LRRC28: variants seen among roughly 807,000 people sequenced by gnomAD.
LRRC28 encodes leucine-rich repeat-containing protein 28.
LRRC28 carries 39 observed loss-of-function variants against 45.7 expected under a neutral mutation model. That is an observed-to-expected ratio of 0.85 (90% CI 0.66 to 1.12). The LOEUF (loss-of-function observed/expected upper bound fraction) is 1.12, where lower values mean the gene tolerates loss of function less well. Among genes scored for constraint, LRRC28 ranks in the 50% most tolerant of loss-of-function variants. LRRC28 has a pLI of 0.00. For synonymous variants in LRRC28, 206 were observed against 178.8 expected, an observed-to-expected ratio of 1.15 and a Z score of -1.22; for missense variants, 435 against 438.5, an observed-to-expected ratio of 0.99 and a Z score of 0.07.
chr15:99,266,143 AAGAG>A, intron 2 of LRRC28, among the ~76,000 whole-genome samples: 1 of 152,308 alleles, frequency 6.6e-6, no homozygotes, highest in African/African-American at 2.4e-5. Context: ...TAGTGAAGGA[AAGAG>A]AGATCTGTCA....
chr15:99,361,593 T>A, intron 8 of LRRC28, 82 bp downstream of exon 8: 2 of 1,351,892 alleles, frequency 1.5e-6, no homozygotes, highest in South Asian at 3.3e-5. Context: ...GGCGTTCATC[T>A]TTAAAAAAAA....
chr15:99,379,289 TA>T (rs1323720713), intron 9 of LRRC28, among the ~76,000 whole-genome samples: 1 of 152,230 alleles, frequency 6.6e-6, no homozygotes, highest in Non-Finnish European at 1.5e-5. Flanking sequence ...TCCAGGAATT[TA>T]TCCATTTCTT....
At chr15:99,296,371 G>A (rs990929649) in intron 5 of LRRC28, among the ~76,000 whole-genome samples, 6 of 152,192 alleles carry the variant, frequency 3.9e-5, no homozygotes, top group South Asian at 4.1e-4. Flanking sequence ...CTCAAAACAC[G>A]CAGTGTGTTA....
intron 2 of LRRC28, among the ~76,000 whole-genome samples, chr15:99,263,120 G>C (rs989720044): frequency 4.1e-5 from 6 of 148,120 alleles, no homozygotes; most frequent in African/African-American, 1.3e-4. Flanking sequence ...GACCAGCCTG[G>C]GCAACATCAC....
intron 3 of LRRC28, among the ~76,000 whole-genome samples, chr15:99,277,238 G>A (rs930963518): frequency 7.9e-5 from 12 of 151,950 alleles, no homozygotes; most frequent in South Asian, 6.2e-4. Flanking sequence ...TATTTGGCAC[G>A]ATTTTCAAGA....
chr15:99,310,704 AGAAAG>A (rs1210597338), intron 5 of LRRC28, among the ~76,000 whole-genome samples: 5 of 152,240 alleles, frequency 3.3e-5, no homozygotes, highest in African/African-American at 9.6e-5. Flanking sequence ...ATGAAAATGA[AGAAAG>A]GAGAGGGAGA....
intron 2 of LRRC28, among the ~76,000 whole-genome samples, chr15:99,263,518 T>C (rs1165685236): frequency 6.6e-6 from 1 of 152,180 alleles, no homozygotes; most frequent in Non-Finnish European, 1.5e-5. Context: ...TAGGTATTCA[T>C]GCAGTGGTAG....
chr15:99,385,599 AT>A (rs1384371220), intron 9 of LRRC28, among the ~76,000 whole-genome samples: 2 of 152,218 alleles, frequency 1.3e-5, no homozygotes, highest in Admixed American at 1.3e-4. Flanking sequence ...CCTTAAAATT[AT>A]GTTGTTTAAG....
At chr15:99,282,899 A>AT (rs113727507) in intron 3 of LRRC28, among the ~76,000 whole-genome samples, 15 of 149,582 alleles carry the variant, frequency 1.0e-4, no homozygotes, top group South Asian at 4.2e-4. Context: ...TTAATTAAAA[A>AT]TTTTTTTTTT....
rs1480516956 is a variant in LRRC28, at chr15:99,387,064, T to G, written c.*962T>G. ...CTTCAGCTACTTCCACTACTGGTTT[T>G]TTTTTGTTGTTGTTGAGACGGAGTC... On this transcript the variant is annotated 3_prime_UTR_variant, in exon 10 of 10. Coordinates refer to ENST00000301981, the MANE Select transcript of LRRC28 (RefSeq NM_144598.5). 1.4e-5 allele frequency: 2 copies of G among 146,746 alleles called. No individual in the cohort carries two copies. Among genetic ancestry groups the G allele is most frequent in the East Asian group, 2.0e-4 (1 of 4,908 alleles). 9.1% of individuals were successfully genotyped at this position (146,746 alleles called of 1,614,324 possible).
At chr15:99,379,157 T>C (rs529171931) in intron 9 of LRRC28, among the ~76,000 whole-genome samples, 174 of 152,282 alleles carry the variant, frequency 1.1e-3, no homozygotes, top group African/African-American at 3.3e-3. Context: ...GCTGTGAATT[T>C]GTCTGGTCCT....
At chr15:99,277,653 A>AT (rs2081654511) in intron 3 of LRRC28, among the ~76,000 whole-genome samples, 1 of 152,082 alleles carries the variant, frequency 6.6e-6, no homozygotes, top group Non-Finnish European at 1.5e-5. Flanking sequence ...TGATTTAAAC[A>AT]TTTTTTGTGG....
chr15:99,368,147 C>T (rs184592746), intron 9 of LRRC28, among the ~76,000 whole-genome samples: 2 of 152,312 alleles, frequency 1.3e-5, no homozygotes, highest in African/African-American at 4.8e-5. Context: ...TTCACCCCAT[C>T]CCATGCCCAG....
intron 5 of LRRC28, among the ~76,000 whole-genome samples, chr15:99,316,729 A>C (rs1030344263): frequency 7.9e-5 from 12 of 152,090 alleles, no homozygotes; most frequent in African/African-American, 9.7e-5. Flanking sequence ...AAAAAAAAAA[A>C]AAAACTCTTT....
intron 6 of LRRC28, among the ~76,000 whole-genome samples, chr15:99,337,500 A>G (rs1567675136): frequency 6.6e-6 from 1 of 152,220 alleles, no homozygotes; most frequent in Non-Finnish European, 1.5e-5. Context: ...CGGTGTGGCT[A>G]AGGAGGTGGG....
At chr15:99,291,586 G>T (rs1261177191) in intron 5 of LRRC28, among the ~76,000 whole-genome samples, 3 of 152,204 alleles carry the variant, frequency 2.0e-5, no homozygotes, top group African/African-American at 7.2e-5. Flanking sequence ...GTAGGCACCA[G>T]TTGATATCTG....
chr15:99,315,074 G>A (rs1955546573), intron 5 of LRRC28, among the ~76,000 whole-genome samples: 1 of 151,872 alleles, frequency 6.6e-6, no homozygotes, highest in African/African-American at 2.4e-5. Context: ...GCTAGAAAAT[G>A]TTTTTCATAG....
intron 2 of LRRC28, chr15:99,258,110 G>C: frequency 1.3e-6 from 2 of 1,590,080 alleles, no homozygotes; most frequent in Non-Finnish European, 1.7e-6. Flanking sequence ...TAAAAACCTT[G>C]GTACCATAGC....
At chr15:99,323,825 G>A (rs936522328) in intron 5 of LRRC28, among the ~76,000 whole-genome samples, 2 of 152,082 alleles carry the variant, frequency 1.3e-5, no homozygotes, top group Non-Finnish European at 2.9e-5. Flanking sequence ...CCTGAGTTAG[G>A]TGTTACTCTT....
Sources: gnomAD v4.1 joint callset for allele counts (sites outside exome capture counted in the v4.1 genomes callset) on GRCh38, gnomAD v4.1.1 for gene constraint, MANE v1.5 for transcripts, NCBI Gene and HGNC (gene_info 2026-07-23, HGNC 2026-07-21) for gene names.